The following GRIK2 variants were observed in gnomAD, a reference collection of about 807,000 sequenced individuals.
GRIK2 encodes the protein glutamate receptor ionotropic, kainate 2.
Under a neutral mutation model 100.3 loss-of-function variants are expected in GRIK2, and 32 were observed. That is an observed-to-expected ratio of 0.32 (90% CI 0.24 to 0.43). GRIK2 has a LOEUF of 0.43. GRIK2 is among the 20% of genes least tolerant of loss of function. The probability of loss-of-function intolerance (pLI) is 1.00; values close to 1 mark genes in which losing one functional copy is unlikely to be tolerated. For missense variants in GRIK2, 843 were observed against 1,114.9 expected, an observed-to-expected ratio of 0.76 and a Z score of 3.47; for synonymous variants, 417 against 389.4, an observed-to-expected ratio of 1.07 and a Z score of -0.83.
intron 14 of GRIK2, among the ~76,000 whole-genome samples, chr6:101,933,795 A>G (rs1374264213): frequency 6.6e-6 from 1 of 151,982 alleles, no homozygotes; most frequent in Non-Finnish European, 1.5e-5. Context: ...TCAAAGGTTT[A>G]TTCAAAACAT....
Position 101,984,323 on chromosome 6 carries a change from A to G in GRIK2, c.2086-51018A>G, listed in dbSNP as rs9498789. 9.6e-3 allele frequency among the ~76,000 whole-genome samples: 1,464 copies of G among 151,764 alleles called. 27 individuals carry two copies. Among genetic ancestry groups the G allele is most frequent in the African/African-American group, 0.034 (1,420 of 41,478 alleles). Reference sequence around the variant, plus strand: ...GAAAGGTCAATGGGAAATGTAGGAAATGAGATTTTTTTTCAGTCACCCTAA... The same window carrying G: ...GAAAGGTCAATGGGAAATGTAGGAAGTGAGATTTTTTTTCAGTCACCCTAA... On this transcript the variant is annotated intron_variant, in intron 14 of 16. Coordinates refer to ENST00000369134, the MANE Select transcript of GRIK2 (RefSeq NM_021956.5).
intron 9 of GRIK2, among the ~76,000 whole-genome samples, chr6:101,812,083 CATA>C (rs1388431370): frequency 6.6e-6 from 1 of 151,088 alleles, no homozygotes; most frequent in African/African-American, 2.4e-5. Flanking sequence ...AGGTATGTGG[CATA>C]ATATTTCAAA....
chr6:101,836,317 G>A (rs1033152778), intron 10 of GRIK2, among the ~76,000 whole-genome samples: 9 of 151,900 alleles, frequency 5.9e-5, no homozygotes, highest in African/African-American at 1.5e-4. Flanking sequence ...GATTTGTGCC[G>A]TCCAATACGG....
At chr6:101,990,395 A>G (rs1170934860) in intron 14 of GRIK2, among the ~76,000 whole-genome samples, 1 of 151,634 alleles carries the variant, frequency 6.6e-6, no homozygotes, top group Non-Finnish European at 1.5e-5. Context: ...GCCTTATTTC[A>G]GAGCCTCTAG....
intron 16 of GRIK2, among the ~76,000 whole-genome samples, chr6:102,056,443 A>AGTC (rs546159918): frequency 7.9e-5 from 12 of 151,968 alleles, no homozygotes; most frequent in Non-Finnish European, 1.6e-4. Flanking sequence ...CAAAACCAAC[A>AGTC]GTTTAAAGTC....
intron 8 of GRIK2, among the ~76,000 whole-genome samples, chr6:101,802,010 A>T (rs945778123): frequency 1.3e-5 from 2 of 151,764 alleles, no homozygotes; most frequent in Admixed American, 1.3e-4. Context: ...CTCATACACC[A>T]TAAAAAGTAA....
intron 7 of GRIK2, among the ~76,000 whole-genome samples, chr6:101,747,452 A>C (rs1776488678): frequency 6.6e-6 from 1 of 152,132 alleles, no homozygotes; most frequent in African/African-American, 2.4e-5. Context: ...AAATTTACTC[A>C]TTCTCCTTGG....
At chr6:101,602,366 G>A (rs887075682) in intron 2 of GRIK2, among the ~76,000 whole-genome samples, 1 of 151,252 alleles carries the variant, frequency 6.6e-6, no homozygotes, top group Non-Finnish European at 1.5e-5. Context: ...TGGTCTTAGA[G>A]TATGTTCTGC....
intron 4 of GRIK2, among the ~76,000 whole-genome samples, chr6:101,653,012 C>T (rs1408343805): frequency 1.4e-5 from 2 of 140,416 alleles, no homozygotes; most frequent in East Asian, 2.1e-4. Flanking sequence ...AAACCTTCTC[C>T]TCTGTCTCTC....
At chr6:101,831,426 A>G (rs913320507) in intron 10 of GRIK2, among the ~76,000 whole-genome samples, 1 of 152,074 alleles carries the variant, frequency 6.6e-6, no homozygotes, top group African/African-American at 2.4e-5. Flanking sequence ...CCTGTGGTGC[A>G]CCATGGCTTC....
At chr6:102,040,204 T>G (rs1011982798) in intron 15 of GRIK2, among the ~76,000 whole-genome samples, 1 of 151,564 alleles carries the variant, frequency 6.6e-6, no homozygotes, top group African/African-American at 2.4e-5. Context: ...TGCCCTTTAA[T>G]ATGAAGATTA....
At chr6:101,570,216 A>G (rs1777466550) in intron 2 of GRIK2, among the ~76,000 whole-genome samples, 1 of 152,014 alleles carries the variant, frequency 6.6e-6, no homozygotes. Flanking sequence ...CCGCTACAAA[A>G]TTTACTTTTC....
chr6:101,654,583 T>G (rs995479363), intron 4 of GRIK2, among the ~76,000 whole-genome samples: 3 of 152,162 alleles, frequency 2.0e-5, no homozygotes, highest in African/African-American at 4.8e-5. Context: ...AGCACCAGTC[T>G]GTAATAAGGC....
intron 2 of GRIK2, among the ~76,000 whole-genome samples, chr6:101,488,392 T>A (rs1350771616): frequency 6.8e-6 from 1 of 146,810 alleles, no homozygotes; most frequent in East Asian, 1.9e-4. Flanking sequence ...TGTTTCATTG[T>A]GTAGGAAAAT....
chr6:101,639,287 G>T lies in GRIK2; in HGVS notation c.541+12650G>T, dbSNP rs148325454. 7.7e-3 allele frequency among the ~76,000 whole-genome samples: 1,172 copies of T among 152,168 alleles called. 11 individuals carry two copies. The highest frequency in any genetic ancestry group is 0.026 in the South Asian group (126 of 4,812). On this transcript the variant is annotated intron_variant, in intron 4 of 16. Transcript: ENST00000369134. The stretch of plus-strand genomic sequence containing the variant: ...GATATCAAGTGATCTGCCCTCCTCG[G>T]CCTCCCAAAATGCTGGGATTACAGG...
chr6:101,505,809 A>G (rs1163229249), intron 2 of GRIK2, among the ~76,000 whole-genome samples: 1 of 151,798 alleles, frequency 6.6e-6, no homozygotes, highest in South Asian at 2.1e-4. Flanking sequence ...ATCAGAAGAC[A>G]TTTTGTTTTT....
At chr6:101,558,101 C>G (rs190318278) in intron 2 of GRIK2, among the ~76,000 whole-genome samples, 134 of 152,292 alleles carry the variant, frequency 8.8e-4, no homozygotes, top group Non-Finnish European at 1.3e-3. Flanking sequence ...CACTAAAGTG[C>G]AATTGTTTTT....
At chr6:101,671,976 A>T (rs1003124184) in intron 4 of GRIK2, among the ~76,000 whole-genome samples, 1 of 152,138 alleles carries the variant, frequency 6.6e-6, no homozygotes, top group African/African-American at 2.4e-5. Context: ...TCTAGATAAA[A>T]CTTTCATTTA....
rs1789770113 is a variant in GRIK2, at chr6:101,924,637, C to T, written c.1785C>T (p.Cys595=). The T allele has an allele frequency of 6.2e-7, 1 of 1,609,150 alleles. No homozygotes were observed. Among genetic ancestry groups the T allele is most frequent in the South Asian group, 1.1e-5 (1 of 90,980 alleles). Residue 595 remains cysteine (C), a synonymous_variant, in exon 13 of 17, where the codon TGC becomes TGT. Transcript: ENST00000369134. ...SPYEWYNPHP[C]NPDSDVVENN... Reference sequence around the variant, plus strand: ...ATGAGTGGTATAATCCACACCCTTGCAACCCTGACTCAGACGTGGTGGAAA... The same window carrying T: ...ATGAGTGGTATAATCCACACCCTTGTAACCCTGACTCAGACGTGGTGGAAA...
Sources: gnomAD v4.1 joint callset for allele counts (sites outside exome capture counted in the v4.1 genomes callset) on GRCh38, gnomAD v4.1.1 for gene constraint, MANE v1.5 for transcripts, NCBI Gene and HGNC (gene_info 2026-07-23, HGNC 2026-07-21) for gene names.